Variants in DOCK4 observed in about 807,000 individuals in gnomAD.
DOCK4 encodes the protein dedicator of cytokinesis 4, also known as dedicator of cytokinesis protein 4.
A neutral mutation model predicts 268.1 loss-of-function variants in DOCK4; 97 were observed. That is an observed-to-expected ratio of 0.36 (90% confidence interval 0.31 to 0.43). The LOEUF (loss-of-function observed/expected upper bound fraction) is 0.43. Ranked by LOEUF, DOCK4 falls within the 20% of genes least tolerant of loss-of-function variation. The pLI is 1.00. For missense variants in DOCK4, 2,145 were observed against 2,455.7 expected, an observed-to-expected ratio of 0.87 and a Z score of 2.67; for synonymous variants, 954 against 887.2, an observed-to-expected ratio of 1.08 and a Z score of -1.34.
At chr7:111,780,847 T>C (rs1232575999) in intron 35 of DOCK4, among the ~76,000 whole-genome samples, 1 of 152,226 alleles carries the variant, frequency 6.6e-6, no homozygotes, top group Non-Finnish European at 1.5e-5. Flanking sequence ...TTCAAAGTGA[T>C]AGATTTGCTT....
chr7:111,739,174 G>A lies in DOCK4; in HGVS notation c.5192C>T (p.Pro1731Leu). 5 of 1,613,990 alleles carry A rather than the reference G, an allele frequency of 3.1e-6. No individual in the cohort carries two copies. Among genetic ancestry groups the A allele is most frequent in the Non-Finnish European group, 4.2e-6 (5 of 1,179,876 alleles). The part of the protein sequence containing the change: ...ENSCLSPRER[P>L]CSAIYPTPVE... ...AGGTGTTGGATAGATGGCACTGCATGGTCTCTCTCTTGGTGACAGGCAAGA... is the reference window on the plus strand; with the variant it reads ...AGGTGTTGGATAGATGGCACTGCATAGTCTCTCTCTTGGTGACAGGCAAGA... Residue 1731 changes from proline to leucine, a missense_variant, in exon 49 of 53, where the codon CCA becomes CTA. By Grantham distance (98) the Pro-to-Leu change is moderately conservative (BLOSUM62 -3). Coordinates refer to ENST00000428084, the MANE Select transcript of DOCK4 (RefSeq NM_001363540.2).
intron 1 of DOCK4, among the ~76,000 whole-genome samples, chr7:112,101,360 C>T (rs2135812277): frequency 6.6e-6 from 1 of 152,330 alleles, no homozygotes; most frequent in East Asian, 1.9e-4. Flanking sequence ...TCATAGCTCT[C>T]GTCCCCGGAG....
intron 25 of DOCK4, chr7:111,840,820 G>A: frequency 2.2e-6 from 3 of 1,348,086 alleles, no homozygotes; most frequent in Non-Finnish European, 2.9e-6. Context: ...CTGAAAAGGT[G>A]CTCAATGTAG....
At chr7:112,053,769 A>T (rs1377315807) in intron 1 of DOCK4, among the ~76,000 whole-genome samples, 2 of 152,222 alleles carry the variant, frequency 1.3e-5, no homozygotes, top group Non-Finnish European at 2.9e-5. Context: ...AGGCATCATC[A>T]GCAATGTTGT....
In DOCK4 at chr7:111,747,247, C is replaced by T. The variant is rs191634733; in HGVS notation, c.4593+20G>A. ...TCACAATTGAAAACTTTCTCTGAAA[C>T]AACAATACCTAATCCTTACCTCTTG... On this transcript the variant is annotated intron_variant, in intron 43 of 52. Transcript: ENST00000428084. 4.4e-6 allele frequency: 7 copies of T among 1,598,618 alleles called. No homozygotes were observed. The African/African-American group carries it at 9.4e-5, about 22-fold the overall frequency.
At chr7:111,957,349 TGATAAA>T (rs916464375) in intron 8 of DOCK4, among the ~76,000 whole-genome samples, 1 of 152,176 alleles carries the variant, frequency 6.6e-6, no homozygotes, top group Non-Finnish European at 1.5e-5. Context: ...TACAAAAGGA[TGATAAA>T]GAAACTGGTG....
rs192465982 is a variant in DOCK4, at chr7:112,058,625, G to A, written c.38-54494C>T. On this transcript the variant is annotated intron_variant, in intron 1 of 52. Coordinates refer to ENST00000428084, the MANE Select transcript of DOCK4 (RefSeq NM_001363540.2). Reference sequence around the variant, plus strand: ...AAGGCCTCATGTAGCCAATTCTCAGGGCTTCAATGAAGCAAGAGCCTTGAT... The same window carrying A: ...AAGGCCTCATGTAGCCAATTCTCAGAGCTTCAATGAAGCAAGAGCCTTGAT... 7.2e-5 allele frequency among the ~76,000 whole-genome samples: 11 copies of A among 152,158 alleles called. No individual in the cohort carries two copies. In the East Asian group the frequency reaches 1.5e-3, roughly 21 times the overall value.
intron 1 of DOCK4, among the ~76,000 whole-genome samples, chr7:112,007,953 A>C (rs926858328): frequency 5.9e-5 from 9 of 152,222 alleles, no homozygotes; most frequent in African/African-American, 1.9e-4. Flanking sequence ...CTTTATACAA[A>C]AGTTTATTCA....
chr7:111,951,647 CAAA>C (rs35968911), intron 8 of DOCK4, among the ~76,000 whole-genome samples: 3 of 85,824 alleles, frequency 3.5e-5, no homozygotes, highest in Admixed American at 2.5e-4. Flanking sequence ...CCATCGCTAC[CAAA>C]AAAAAAAAAA....
chr7:111,778,346 G>A lies in DOCK4; in HGVS notation c.3609C>T (p.Asn1203=). ...TGTAGCGTATATACATCTCCTCCTT[G>A]TTCAGTTCAGTCTTATAGAAGTTCT... ...SLLNFYKTEL[N]KEEMYIRYIH... Residue 1203 remains asparagine (N), a synonymous_variant, in exon 36 of 53, where the codon AAC becomes AAT. Transcript: ENST00000428084. The A allele has an allele frequency of 6.2e-7, 1 of 1,611,432 alleles. No individual in the cohort carries two copies. Among genetic ancestry groups the A allele is most frequent in the East Asian group, 2.2e-5 (1 of 44,758 alleles).
At chr7:111,997,578 T>C (rs1209856449) in intron 4 of DOCK4, among the ~76,000 whole-genome samples, 2 of 152,228 alleles carry the variant, frequency 1.3e-5, no homozygotes, top group African/African-American at 4.8e-5. Context: ...GTTGGAACTT[T>C]TATCTTAAGA....
intron 23 of DOCK4, among the ~76,000 whole-genome samples, chr7:111,861,871 T>A (rs10249740): frequency 0.35 from 52,609 of 151,624 alleles, 9,446 homozygotes; most frequent in African/African-American, 0.43. Context: ...AAAACCATAC[T>A]ATATATTTTT....
At chr7:111,774,031 G>C (rs1798291930) in intron 36 of DOCK4, among the ~76,000 whole-genome samples, 1 of 151,394 alleles carries the variant, frequency 6.6e-6, no homozygotes, top group South Asian at 2.1e-4. Context: ...AAAAAGAAAA[G>C]AAAAGAAAAG....
At chr7:111,874,941 AG>A (rs762589772) in intron 17 of DOCK4, among the ~76,000 whole-genome samples, 6 of 152,248 alleles carry the variant, frequency 3.9e-5, no homozygotes, top group Non-Finnish European at 8.8e-5. Flanking sequence ...GAATTGTAGT[AG>A]AAATAAGATT....
intron 47 of DOCK4, among the ~76,000 whole-genome samples, chr7:111,740,463 T>C (rs1467180833): frequency 6.7e-6 from 1 of 149,652 alleles, no homozygotes. Flanking sequence ...CCGGGCGCAG[T>C]AGCTCATGCC....
intron 36 of DOCK4, 46 bp downstream of exon 36, chr7:111,778,230 T>G: frequency 7.6e-7 from 1 of 1,324,460 alleles, no homozygotes; most frequent in East Asian, 2.3e-5. Flanking sequence ...TGATCATGAT[T>G]AATACATCAG....
In DOCK4 at chr7:111,871,976, A is replaced by T. The variant is rs10224326; in HGVS notation, c.2027+14T>A. ...GAACCACTTCTAAACTAATTACAAGATACAGGGCCTTACCTGTATGCAAGT... is the reference window on the plus strand; with the variant it reads ...GAACCACTTCTAAACTAATTACAAGTTACAGGGCCTTACCTGTATGCAAGT... On this transcript the variant is annotated intron_variant, in intron 20 of 52. Transcript: ENST00000428084. The T allele has an allele frequency of 0.19, 292,500 of 1,533,704 alleles. 29,985 individuals are homozygous for T. Among genetic ancestry groups the T allele is most frequent in the African/African-American group, 0.4 (28,823 of 72,138 alleles).
At chr7:112,068,269 T>C (rs1312980698) in intron 1 of DOCK4, among the ~76,000 whole-genome samples, 4 of 152,170 alleles carry the variant, frequency 2.6e-5, no homozygotes, top group Non-Finnish European at 4.4e-5. Context: ...CCTGCATCCC[T>C]TGTTGGTTCC....
chr7:112,167,776 A>G (rs951926086), intron 1 of DOCK4, among the ~76,000 whole-genome samples: 1 of 152,206 alleles, frequency 6.6e-6, no homozygotes, highest in Non-Finnish European at 1.5e-5. Flanking sequence ...CTTAAGGAAA[A>G]AAATAAAGTA....
Sources: gnomAD v4.1 joint callset for allele counts (sites outside exome capture counted in the v4.1 genomes callset) on GRCh38, gnomAD v4.1.1 for gene constraint, MANE v1.5 for transcripts, NCBI Gene and HGNC (gene_info 2026-07-23, HGNC 2026-07-21) for gene names.